Variants in VDR observed in about 807,000 individuals in gnomAD.
VDR encodes vitamin D receptor, also known as vitamin D3 receptor.
Under a neutral mutation model 39.7 loss-of-function variants are expected in VDR, and 19 were observed. The ratio of observed to expected loss-of-function variants is 0.48; its 90% CI spans 0.33 to 0.70. The LOEUF (loss-of-function observed/expected upper bound fraction) is 0.70, where lower values mean the gene tolerates loss of function less well. VDR is among the 30% of genes least tolerant of loss of function. The pLI is 0.02. For missense variants in VDR, 442 were observed against 570.5 expected (o/e 0.77, Z 2.29); for synonymous variants, 242 against 215.8 (o/e 1.12, Z -1.07).
intron 4 of VDR, among the ~76,000 whole-genome samples, chr12:47,859,913 CCTTCTTTCTT>C (rs1488925068): frequency 0.02 from 892 of 44,050 alleles, 34 homozygotes; most frequent in African/African-American, 0.034. Flanking sequence ...TTCCTTCCTT[CCTTCTTTCTT>C]TTTCTTTCTT....
chr12:47,884,272 T>C (rs1946214404), intron 1 of VDR, among the ~76,000 whole-genome samples: 1 of 152,202 alleles, frequency 6.6e-6, no homozygotes, highest in South Asian at 2.1e-4. Flanking sequence ...CCGGAGTATT[T>C]ACTACATGCC....
intron 1 of VDR, among the ~76,000 whole-genome samples, chr12:47,884,753 C>T (rs1946222316): frequency 6.6e-6 from 1 of 152,036 alleles, no homozygotes; most frequent in East Asian, 1.9e-4. Context: ...GAGAACAATC[C>T]CCAGGTCATG....
chr12:47,857,974 G>A (rs571723372), intron 4 of VDR, among the ~76,000 whole-genome samples: 1 of 152,276 alleles, frequency 6.6e-6, no homozygotes, highest in Admixed American at 6.5e-5. Flanking sequence ...TGGGACCTTG[G>A]GCAAACTCTC....
intron 4 of VDR, among the ~76,000 whole-genome samples, chr12:47,862,997 T>C (rs1945655855): frequency 6.6e-6 from 1 of 152,204 alleles, no homozygotes; most frequent in Admixed American, 6.5e-5. Flanking sequence ...ACCTTGGGCA[T>C]ACAGCAGGAT....
intron 8 of VDR, 39 bp from the exon 9 acceptor site, chr12:47,846,490 A>G: frequency 6.4e-7 from 1 of 1,554,402 alleles, no homozygotes; most frequent in Admixed American, 1.9e-5. Flanking sequence ...GGCAGAGCTG[A>G]GGAGCCGCCC....
intron 3 of VDR, chr12:47,878,764 G>C: frequency 1.2e-6 from 1 of 831,912 alleles, no homozygotes; most frequent in Non-Finnish European, 2.0e-6. Context: ...ATTTCCAAGA[G>C]AGTCAGAGGA....
chr12:47,885,243 C>T (rs1946230676), intron 1 of VDR, among the ~76,000 whole-genome samples: 1 of 152,236 alleles, frequency 6.6e-6, no homozygotes, highest in South Asian at 2.1e-4. Flanking sequence ...CCCTGGCTTC[C>T]ATCCCTCCAG....
chr12:47,871,326 CT>C (rs1260135458), intron 3 of VDR, among the ~76,000 whole-genome samples: 1 of 143,822 alleles, frequency 7.0e-6, no homozygotes, highest in Non-Finnish European at 1.5e-5. Flanking sequence ...TTCTTTCTTT[CT>C]TTCTTTCTTT....
At chr12:47,866,819 G>A (rs113416629) in intron 3 of VDR, among the ~76,000 whole-genome samples, 10 of 150,880 alleles carry the variant, frequency 6.6e-5, no homozygotes, top group Non-Finnish European at 1.0e-4. Context: ...CCAAAACTCC[G>A]TCTCTACTAA....
At chr12:47,890,479 C>T (rs965808394) in intron 1 of VDR, among the ~76,000 whole-genome samples, 2 of 151,578 alleles carry the variant, frequency 1.3e-5, no homozygotes, top group African/African-American at 4.8e-5. Context: ...AAACGGTTGT[C>T]ACGTCACCAG....
chr12:47,898,141 C>T lies in VDR; in HGVS notation c.-84+6814G>A, dbSNP rs1946496437. On this transcript the variant is annotated intron_variant, in intron 1 of 9. Coordinates refer to ENST00000549336, the MANE Select transcript of VDR (RefSeq NM_000376.3). The stretch of plus-strand genomic sequence containing the variant: ...CTGGTGGAAGCCCAGAGAGGAAGGG[C>T]TTCAACTGTACTTAGAGGCCCAGCA... Among the ~76,000 whole-genome samples, 3 of 152,030 alleles carry T rather than the reference C, an allele frequency of 2.0e-5. No homozygotes were observed. The South Asian group carries it at 6.2e-4, about 32-fold the overall frequency.
At position 47,871,294 on chromosome 12, in the gene VDR, C is replaced by CTTTCTTTCTTTCTTTCTTTCTTTCT. The variant is rs1945857992; in HGVS notation, c.147-6142_147-6118dup. ...TTCTTTTCTCTTTCTTTCTCTTTCT[C>CTTTCTTTCTTTCTTTCTTTCTTTCT]TTTCTTTCTTTCTTTCTTTCTTTCT... On this transcript the variant is annotated intron_variant, in intron 3 of 9. Transcript: ENST00000549336. Among the ~76,000 whole-genome samples, 167 of 90,602 alleles carry CTTTCTTTCTTTCTTTCTTTCTTTCT rather than the reference C, an allele frequency of 1.8e-3. 1 individual carries two copies. The highest frequency in any genetic ancestry group is 7.2e-3 in the African/African-American group (164 of 22,800). The allele number at this position is 90,602 out of a possible 152,430, so 59.4% of individuals were successfully genotyped here. A position where few individuals can be genotyped will look rare whatever the true frequency, so the allele number is the denominator to read the frequency against.
intron 1 of VDR, among the ~76,000 whole-genome samples, chr12:47,896,386 TGTGACA>T (rs1411141068): frequency 2.6e-5 from 4 of 152,148 alleles, no homozygotes; most frequent in African/African-American, 9.7e-5. Context: ...TGAGTATATC[TGTGACA>T]TGTTAGTTAT....
At chr12:47,900,419 C>A (rs1946537934) in intron 1 of VDR, among the ~76,000 whole-genome samples, 1 of 152,200 alleles carries the variant, frequency 6.6e-6, no homozygotes, top group Admixed American at 6.5e-5. Context: ...TGGGAGAGTT[C>A]CATGCAGGTT....
chr12:47,847,945 G>C (rs1387895623), intron 7 of VDR, among the ~76,000 whole-genome samples: 2 of 152,102 alleles, frequency 1.3e-5, no homozygotes, highest in Non-Finnish European at 2.9e-5. Context: ...TGTCGCCCAG[G>C]CTGGAGTGCA....
rs148368146 is a variant in VDR at position 47,865,163 on chromosome 12, C to T, written c.161G>A (p.Arg54Gln). 7.9e-5 allele frequency: 127 copies of T among 1,612,626 alleles called. No homozygotes were observed. The African/African-American group carries it at 1.0e-3, about 13-fold the overall frequency. ...CKGFFRRSMKRKALFTCPFNG... is the reference protein window; with the variant it reads ...CKGFFRRSMKQKALFTCPFNG... ...GAAGGGGCAGGTGAATAGTGCCTTC[C>T]GCTTCATGCTTCGCCTGCCGAGAGA... Residue 54 changes from arginine (R) to glutamine (Q), a missense_variant, in exon 4 of 10, where the codon CGG becomes CAG. Around this residue, in one of 5 missense-constraint regions of VDR, gnomAD observed 141 missense variants for 141.3 expected, o/e 1.00. Coordinates refer to ENST00000549336, the MANE Select transcript of VDR (RefSeq NM_000376.3).
chr12:47,850,434 C>T (rs1292546631), intron 7 of VDR, among the ~76,000 whole-genome samples: 1 of 152,166 alleles, frequency 6.6e-6, no homozygotes, highest in African/African-American at 2.4e-5. Context: ...TTATACATAG[C>T]CTTTTGTTCA....
intron 1 of VDR, among the ~76,000 whole-genome samples, chr12:47,897,733 T>G (rs1300849469): frequency 6.6e-6 from 1 of 152,078 alleles, no homozygotes; most frequent in Non-Finnish European, 1.5e-5. Context: ...TTCCCTCCAC[T>G]CCAATCCTCC....
chr12:47,858,072 G>GTA (rs1491519339), intron 4 of VDR, among the ~76,000 whole-genome samples: 5 of 33,208 alleles, frequency 1.5e-4, no homozygotes, highest in Non-Finnish European at 3.7e-4. Context: ...CCTCCATAAA[G>GTA]TGTGTGTGTG....
Sources: allele counts gnomAD v4.1 joint callset (sites outside exome capture counted in the v4.1 genomes callset), GRCh38; gene constraint gnomAD v4.1.1; regional missense constraint gnomAD v4.1.1; transcripts MANE v1.5; gene names NCBI Gene and HGNC (gene_info 2026-07-23, HGNC 2026-07-21).